PM20D2: variants seen among roughly 807,000 people sequenced by gnomAD.
PM20D2 encodes the protein peptidase M20 domain containing 2.
PM20D2 carries 33 observed loss-of-function variants against 42.9 expected under a neutral mutation model. The ratio of observed to expected loss-of-function variants is 0.77; its 90% CI spans 0.58 to 1.03. The LOEUF (loss-of-function observed/expected upper bound fraction) is 1.03, where lower values mean the gene tolerates loss of function less well. Ranked by LOEUF, PM20D2 falls within the 50% of genes least tolerant of loss-of-function variation. The pLI is 0.00. For missense variants in PM20D2, 548 were observed against 557.0 expected, an observed-to-expected ratio of 0.98 and a Z score of 0.16; for synonymous variants, 250 against 228.2, an observed-to-expected ratio of 1.10 and a Z score of -0.86.
In PM20D2 at chr6:89,146,440, C is replaced by T. The variant is rs543551303; in HGVS notation, c.296C>T (p.Pro99Leu). The change falls in exon 1 of 7, where the codon CCG (proline) becomes CTG (leucine). Residue 99 changes from proline to leucine, a missense_variant. Physicochemically the swap from Pro to Leu is moderately conservative, Grantham distance 98. Coordinates refer to ENST00000275072, the MANE Select transcript of PM20D2 (RefSeq NM_001010853.3). ...AEWEPPEARA[P>L]SATPRPLHLG... The stretch of plus-strand genomic sequence containing the variant: ...TGGGAGCCGCCGGAGGCCCGGGCAC[C>T]GAGCGCCACGCCACGCCCGCTGCAC... The T allele has an allele frequency of 5.3e-6, 8 of 1,522,964 alleles. No homozygotes were observed. In the South Asian group the frequency reaches 9.7e-5, roughly 18 times the overall value. 94.3% of individuals were successfully genotyped at this position (1,522,964 alleles called of 1,614,324 possible).
chr6:89,145,494 T>C (rs1291866835), upstream of PM20D2, among the ~76,000 whole-genome samples: 1 of 152,224 alleles, frequency 6.6e-6, no homozygotes, highest in Non-Finnish European at 1.5e-5. Flanking sequence ...ATATAATAGC[T>C]AATACATACC....
the PM20D2 span, among the ~76,000 whole-genome samples, chr6:89,118,544 C>G: frequency 8.5e-5 from 13 of 152,122 alleles, no homozygotes; most frequent in Non-Finnish European, 1.5e-4. Context: ...GTCTCAAACT[C>G]CTGGGCTCAA....
chr6:89,106,224 C>T, the PM20D2 span, among the ~76,000 whole-genome samples: 3 of 152,196 alleles, frequency 2.0e-5, no homozygotes, highest in South Asian at 2.1e-4. Context: ...GAGATTCTCC[C>T]GCCTCAGCCT....
chr6:89,098,983 C>T, the PM20D2 span: 1 of 1,563,388 alleles, frequency 6.4e-7, no homozygotes, highest in Admixed American at 1.9e-5. Flanking sequence ...ATATATTTCA[C>T]ACAAAATAAG....
chr6:89,158,489 C>A, intron 5 of PM20D2, 29 bp downstream of exon 5: 1 of 1,593,470 alleles, frequency 6.3e-7, no homozygotes, highest in South Asian at 1.1e-5. Context: ...ATATATTGAG[C>A]TATTTGAGGA....
intron 5 of PM20D2, among the ~76,000 whole-genome samples, chr6:89,161,512 G>A (rs1771233944): frequency 6.6e-6 from 1 of 152,162 alleles, no homozygotes. Flanking sequence ...GGAGTAGGTG[G>A]CAGTGTGGAG....
chr6:89,099,381 A>G, the PM20D2 span, among the ~76,000 whole-genome samples: 1 of 80,982 alleles, frequency 1.2e-5, no homozygotes, highest in Non-Finnish European at 2.8e-5. Flanking sequence ...TCCCATAGAA[A>G]ACAGCTCTCT....
chr6:89,145,719 A>C (rs1412597068), upstream of PM20D2, among the ~76,000 whole-genome samples: 3 of 152,216 alleles, frequency 2.0e-5, no homozygotes, highest in Non-Finnish European at 4.4e-5. Flanking sequence ...TACTAATGCT[A>C]CAGAGTGGCG....
intron 3 of PM20D2, 23 bp from the exon 4 acceptor site, chr6:89,154,724 CT>C (rs1172608036): frequency 6.9e-7 from 1 of 1,446,652 alleles, no homozygotes; most frequent in Non-Finnish European, 9.2e-7. Context: ...AAGCTTAATT[CT>C]AGTAATTTGG....
the PM20D2 span, among the ~76,000 whole-genome samples, chr6:89,099,439 T>TATATATGTGTGTATATATAC: frequency 4.7e-3 from 593 of 127,426 alleles, 20 homozygotes; most frequent in African/African-American, 0.018. Flanking sequence ...TGTATATATA[T>TATATATGTGTGTATATATAC]ACACATATAT....
the PM20D2 span, among the ~76,000 whole-genome samples, chr6:89,102,136 AT>A: frequency 6.7e-6 from 1 of 149,736 alleles, no homozygotes; most frequent in African/African-American, 2.5e-5. Flanking sequence ...AGCCTCTTCA[AT>A]TTTTGGTTTT....
At chr6:89,115,395 G>A in the PM20D2 span, among the ~76,000 whole-genome samples, 10 of 151,870 alleles carry the variant, frequency 6.6e-5, no homozygotes, top group Admixed American at 6.6e-4. Context: ...CGATTCTCGT[G>A]CCTCAGTCTC....
chr6:89,123,330 A>G, the PM20D2 span, among the ~76,000 whole-genome samples: 49 of 152,176 alleles, frequency 3.2e-4, no homozygotes, highest in South Asian at 0.01. Flanking sequence ...TTTTGCCATA[A>G]TGATGTACTT....
At chr6:89,094,768 T>A in the PM20D2 span, among the ~76,000 whole-genome samples, 1 of 148,466 alleles carries the variant, frequency 6.7e-6, no homozygotes, top group African/African-American at 2.5e-5. Context: ...GTACTCGGCA[T>A]TCTGCTACGC....
the PM20D2 span, among the ~76,000 whole-genome samples, chr6:89,099,776 C>CGGA: frequency 6.6e-6 from 1 of 152,046 alleles, no homozygotes; most frequent in Non-Finnish European, 1.5e-5. Flanking sequence ...CTCAGGTTAT[C>CGGA]CCCCTGCCTC....
At chr6:89,111,291 A>G in the PM20D2 span, among the ~76,000 whole-genome samples, 1 of 152,150 alleles carries the variant, frequency 6.6e-6, no homozygotes, top group African/African-American at 2.4e-5. Context: ...TTATTAGTAG[A>G]GATGGGGTTT....
At chr6:89,104,880 T>G in the PM20D2 span, among the ~76,000 whole-genome samples, 1 of 151,748 alleles carries the variant, frequency 6.6e-6, no homozygotes, top group African/African-American at 2.4e-5. Flanking sequence ...TAGCGAGACC[T>G]CCAATCTCTA....
the PM20D2 span, among the ~76,000 whole-genome samples, chr6:89,111,525 TA>T: frequency 6.6e-6 from 1 of 152,170 alleles, no homozygotes; most frequent in Admixed American, 6.5e-5. Context: ...TTACTAAACT[TA>T]TTAGTTCTAG....
chr6:89,151,683 A>G (rs1770848720), intron 2 of PM20D2, among the ~76,000 whole-genome samples: 1 of 152,232 alleles, frequency 6.6e-6, no homozygotes, highest in Non-Finnish European at 1.5e-5. Context: ...GGTTTTCCTC[A>G]AGTATTCCAC....
Sources: gnomAD v4.1 joint callset for allele counts (sites outside exome capture counted in the v4.1 genomes callset) on GRCh38, gnomAD v4.1.1 for gene constraint, MANE v1.5 for transcripts, NCBI Gene and HGNC (gene_info 2026-07-23, HGNC 2026-07-21) for gene names.